Variants in CUX1 observed in about 807,000 individuals in gnomAD.
CUX1 encodes protein CASP.
Under a neutral mutation model 158.8 loss-of-function variants are expected in CUX1, and 31 were observed. The observed-to-expected ratio is 0.20, with a 90% confidence interval of 0.15 to 0.26. The LOEUF (loss-of-function observed/expected upper bound fraction) is 0.26. Ranked by LOEUF, CUX1 falls within the 10% of genes least tolerant of loss-of-function variation. CUX1 has a pLI of 1.00. For synonymous variants in CUX1, 879 were observed against 862.1 expected, an observed-to-expected ratio of 1.02 and a Z score of -0.34; for missense variants, 1,589 against 2,014.6, an observed-to-expected ratio of 0.79 and a Z score of 4.04.
At chr7:102,229,900 G>A (rs1016845875) in intron 21 of CUX1, among the ~76,000 whole-genome samples, 1 of 152,174 alleles carries the variant, frequency 6.6e-6, no homozygotes, top group African/African-American at 2.4e-5. Flanking sequence ...GGGATTACAG[G>A]CATGAGCCAC....
At chr7:102,021,422 C>T (rs760259311) in intron 2 of CUX1, among the ~76,000 whole-genome samples, 1 of 152,080 alleles carries the variant, frequency 6.6e-6, no homozygotes, top group African/African-American at 2.4e-5. Flanking sequence ...CATCCTCCAC[C>T]TCAGCCTCCA....
chr7:101,907,057 G>T (rs373887561), intron 1 of CUX1, among the ~76,000 whole-genome samples: 1 of 152,232 alleles, frequency 6.6e-6, no homozygotes, highest in South Asian at 2.1e-4. Flanking sequence ...GTGAATCAAA[G>T]CCTGTCAGTG....
At chr7:102,160,176 C>G (rs1585974442) in intron 9 of CUX1, among the ~76,000 whole-genome samples, 1 of 135,226 alleles carries the variant, frequency 7.4e-6, no homozygotes, top group East Asian at 2.0e-4. Flanking sequence ...GAGAATCTGT[C>G]TAAAAAAAAA....
chr7:101,891,297 T>C (rs1800851193), intron 1 of CUX1, among the ~76,000 whole-genome samples: 1 of 152,182 alleles, frequency 6.6e-6, no homozygotes, highest in Admixed American at 6.6e-5. Flanking sequence ...CAAGTCACTG[T>C]GGCCTCTAAC....
chr7:102,264,296 G>A (rs1790645872), intron 14 of CUX1, among the ~76,000 whole-genome samples: 1 of 152,272 alleles, frequency 6.6e-6, no homozygotes, highest in East Asian at 1.9e-4. Context: ...ATGAGCCATC[G>A]CGCCCAGCCC....
At chr7:101,887,964 C>G (rs955046560) in intron 1 of CUX1, among the ~76,000 whole-genome samples, 12 of 151,378 alleles carry the variant, frequency 7.9e-5, no homozygotes, top group African/African-American at 2.9e-4. Flanking sequence ...CATTCAATGT[C>G]AAGGAACCCT....
At chr7:102,110,721 A>T (rs1426056719) in intron 6 of CUX1, among the ~76,000 whole-genome samples, 1 of 152,212 alleles carries the variant, frequency 6.6e-6, no homozygotes, top group South Asian at 2.1e-4. Flanking sequence ...GTTACATATC[A>T]TATGTTACAT....
At chr7:102,211,464 C>G (rs1796516100) in intron 20 of CUX1, among the ~76,000 whole-genome samples, 2 of 151,504 alleles carry the variant, frequency 1.3e-5, no homozygotes, top group Non-Finnish European at 1.5e-5. Flanking sequence ...AAAAGAATAC[C>G]TCTTCAATTG....
chr7:102,056,414 C>T (rs1260835103), intron 3 of CUX1, among the ~76,000 whole-genome samples: 1 of 152,140 alleles, frequency 6.6e-6, no homozygotes, highest in African/African-American at 2.4e-5. Context: ...TGCTCATTTA[C>T]CATTCGGAAA....
At chr7:102,154,223 A>G (rs1835999676) in intron 8 of CUX1, 1 of 152,226 alleles carries the variant, frequency 6.6e-6, no homozygotes. Context: ...GAAAGTAACT[A>G]AAAAGATATA....
chr7:102,029,616 A>T (rs1036844821), intron 3 of CUX1, among the ~76,000 whole-genome samples: 10 of 152,176 alleles, frequency 6.6e-5, no homozygotes, highest in Non-Finnish European at 1.3e-4. Context: ...GAAAGAAGAC[A>T]CAGCAGTTGG....
intron 3 of CUX1, among the ~76,000 whole-genome samples, chr7:102,055,974 C>G (rs1824078289): frequency 6.6e-6 from 1 of 152,214 alleles, no homozygotes; most frequent in Non-Finnish European, 1.5e-5. Context: ...CCACAACATT[C>G]TCTTAAGCCA....
At chr7:102,234,951 G>A (rs1253386744) in intron 22 of CUX1, among the ~76,000 whole-genome samples, 3 of 151,960 alleles carry the variant, frequency 2.0e-5, no homozygotes, top group African/African-American at 7.2e-5. Flanking sequence ...TTGTAGATCA[G>A]GAAACAGAGG....
At chr7:101,828,786 C>T (rs546343876) in intron 1 of CUX1, among the ~76,000 whole-genome samples, 74 of 152,192 alleles carry the variant, frequency 4.9e-4, no homozygotes, top group Non-Finnish European at 2.9e-4. Flanking sequence ...GAAGCATTTG[C>T]TTGGATTTGG....
chr7:102,104,503 C>T (rs782197416), intron 6 of CUX1, 44 bp downstream of exon 6: 2 of 1,596,202 alleles, frequency 1.3e-6, no homozygotes, highest in Non-Finnish European at 1.7e-6. Flanking sequence ...ATAGCATTTG[C>T]CCCTGAACTT....
chr7:102,213,522 T>C (rs782044944), intron 20 of CUX1, among the ~76,000 whole-genome samples: 1 of 152,202 alleles, frequency 6.6e-6, no homozygotes, highest in African/African-American at 2.4e-5. Context: ...ATCCTGGTGC[T>C]CCCTGGTTTC....
At chr7:101,816,673 C>A (rs955251685), upstream of CUX1, among the ~76,000 whole-genome samples, 1 of 145,176 alleles carries the variant, frequency 6.9e-6, no homozygotes. Context: ...CCAGGAGGAG[C>A]CGCCGCCACT....
rs371285615 is a variant in CUX1 at position 102,280,118 on chromosome 7, C to T, written c.1762C>T (p.Arg588Trp). The change falls in exon 19 of 23, where the codon CGG becomes TGG. Residue 588 changes from arginine (R) to tryptophan (W), a missense_variant and splice_region_variant. Coordinates refer to the CUX1 transcript ENST00000292538. ...GGACCCCTTCTCCTCCTTCAGCAAG[C>T]GGGTTCGTGAGCCCAGCCTGGGCAG... The T allele has an allele frequency of 4.7e-5, 76 of 1,605,254 alleles. No homozygotes were observed. The highest frequency in any genetic ancestry group is 1.7e-4 in the Middle Eastern group (1 of 6,032).
chr7:101,831,448 G>A (rs1793998451), intron 1 of CUX1, among the ~76,000 whole-genome samples: 1 of 152,052 alleles, frequency 6.6e-6, no homozygotes, highest in Non-Finnish European at 1.5e-5. Context: ...GCACCACCAC[G>A]CCGGGCTAAT....
Sources: gnomAD v4.1 joint callset for allele counts (sites outside exome capture counted in the v4.1 genomes callset) on GRCh38, gnomAD v4.1.1 for gene constraint, MANE v1.5 for transcripts, NCBI Gene and HGNC (gene_info 2026-07-23, HGNC 2026-07-21) for gene names.